The following MAPK8IP3 variants were observed in gnomAD, a reference collection of about 807,000 sequenced individuals.
MAPK8IP3 encodes mitogen-activated protein kinase 8 interacting protein 3, also known as C-Jun-amino-terminal kinase-interacting protein 3.
A neutral mutation model predicts 157.8 loss-of-function variants in MAPK8IP3; 49 were observed. That is an observed-to-expected ratio of 0.31 (90% CI 0.25 to 0.39). The LOEUF (loss-of-function observed/expected upper bound fraction) is 0.39, where lower values mean the gene tolerates loss of function less well. MAPK8IP3 is among the 10% of genes least tolerant of loss of function. The pLI is 1.00. For missense variants in MAPK8IP3, 1,478 were observed against 1,889.4 expected, an observed-to-expected ratio of 0.78 and a Z score of 4.04; for synonymous variants, 897 against 777.7, an observed-to-expected ratio of 1.15 and a Z score of -2.55.
At chr16:1,750,961 G>A (rs564748816) in intron 8 of MAPK8IP3, among the ~76,000 whole-genome samples, 1 of 152,092 alleles carries the variant, frequency 6.6e-6, no homozygotes, top group South Asian at 2.1e-4. Flanking sequence ...TTAATGTCTT[G>A]GTGACACCTA....
At position 1,762,844 on chromosome 16, in the gene MAPK8IP3, G is replaced by A. The variant is rs747806738; in HGVS notation, c.1736G>A (p.Arg579His). 4.3e-6 allele frequency: 7 copies of A among 1,611,786 alleles called. No homozygotes were observed. Among genetic ancestry groups the A allele is most frequent in the Non-Finnish European group, 5.1e-6 (6 of 1,178,878 alleles). ...KKSTIWQFFS[R>H]LFSSSSSPPP... ...CCCTGTGCCTCTGGCAGCTTCAGCC[G>A]CCTCTTCAGCTCTTCCTCCAGCCCC... The change falls in exon 16 of 32, where the codon CGC becomes CAC. Residue 579 changes from arginine (R) to histidine (H), a missense_variant. This residue lies in a region of MAPK8IP3 where 669 missense variants were observed against 759.8 expected (regional missense o/e 0.88). Coordinates refer to ENST00000610761, the MANE Select transcript of MAPK8IP3 (RefSeq NM_001318852.2).
At chr16:1,736,549 CGTGTG>C (rs2039862318) in intron 4 of MAPK8IP3, among the ~76,000 whole-genome samples, 1 of 62,382 alleles carries the variant, frequency 1.6e-5, no homozygotes. Context: ...TCCGTGTGAG[CGTGTG>C]ACTGTCCGTG....
chr16:1,765,195 G>A lies in MAPK8IP3; in HGVS notation c.2446+17G>A. On this transcript the variant is annotated intron_variant, in intron 20 of 31. Coordinates refer to ENST00000610761, the MANE Select transcript of MAPK8IP3 (RefSeq NM_001318852.2). ...GCATCCCCGGTGAGCAGCTGGAGTG[G>A]GCGTTTCCACTCGGGCGCCACTCCC... is the stretch of plus-strand genomic sequence containing the variant. 3 of 1,580,580 alleles carry A rather than the reference G, an allele frequency of 1.9e-6. No individual in the cohort carries two copies. In the Admixed American group the frequency reaches 5.1e-5, roughly 27 times the overall value.
chr16:1,766,973 TG>T lies in MAPK8IP3; in HGVS notation c.3088+6del. On this transcript the variant is annotated splice_donor_region_variant and intron_variant, in intron 25 of 31. Coordinates refer to ENST00000610761, the MANE Select transcript of MAPK8IP3 (RefSeq NM_001318852.2). ...TGGCCATCTTCCACCGTGGTGAAGG[TG>T]GGGCCTGGCAGCACGGGGTGTGTGG... The T allele has an allele frequency of 6.3e-7, 1 of 1,585,062 alleles. No individual in the cohort carries two copies. The highest frequency in any genetic ancestry group is 8.6e-7 in the Non-Finnish European group (1 of 1,163,166).
At chr16:1,735,546 CGTGT>C (rs1567161990) in intron 4 of MAPK8IP3, among the ~76,000 whole-genome samples, 1 of 117,260 alleles carries the variant, frequency 8.5e-6, no homozygotes, top group African/African-American at 3.5e-5. Context: ...TGTGAGCGTC[CGTGT>C]GAGAGTGTGA....
chr16:1,745,356 G>A (rs1004106764), intron 5 of MAPK8IP3: 2 of 173,596 alleles, frequency 1.2e-5, no homozygotes, highest in African/African-American at 4.8e-5. Flanking sequence ...GAGACACCAG[G>A]TGCCTGTGAC....
chr16:1,760,361 T>C lies in MAPK8IP3; in HGVS notation c.1305-19T>C. On this transcript the variant is annotated intron_variant, in intron 11 of 31. Transcript: ENST00000610761. ...GTATGCCGCGCCCGTGGCACTCCCA[T>C]CTTTCTGCTTTTTCAAAGAAACGCC... 1 of 1,602,522 alleles carries C rather than the reference T, an allele frequency of 6.2e-7. No homozygotes were observed.
At position 1,743,090 on chromosome 16, in the gene MAPK8IP3, G is replaced by A. The variant is rs879633019; in HGVS notation, c.603-242G>A. On this transcript the variant is annotated intron_variant, in intron 4 of 31. Coordinates refer to ENST00000610761, the MANE Select transcript of MAPK8IP3 (RefSeq NM_001318852.2). The surrounding 1 kb of genome is among the most constrained non-coding windows in gnomAD (Gnocchi z 5.6). ...AGCCTGGGTGACAGAGCGAGACTCCGCCTCAAAAAAAATAAAATAAAATAA... is the reference window on the plus strand; with the variant it reads ...AGCCTGGGTGACAGAGCGAGACTCCACCTCAAAAAAAATAAAATAAAATAA... Among the ~76,000 whole-genome samples, 13 of 151,698 alleles carry A rather than the reference G, an allele frequency of 8.6e-5. No individual in the cohort carries two copies. Among genetic ancestry groups the A allele is most frequent in the Non-Finnish European group, 1.3e-4 (9 of 67,934 alleles).
chr16:1,732,615 C>T (rs540173497), intron 4 of MAPK8IP3, among the ~76,000 whole-genome samples: 13 of 152,260 alleles, frequency 8.5e-5, no homozygotes, highest in Non-Finnish European at 1.2e-4. Flanking sequence ...TGAGAACGGG[C>T]GGCGCCGGCC....
At chr16:1,723,619 TAAAAC>T (rs552255143) in intron 1 of MAPK8IP3, among the ~76,000 whole-genome samples, 211 of 152,188 alleles carry the variant, frequency 1.4e-3, no homozygotes, top group South Asian at 3.9e-3. Flanking sequence ...GACTCTCTCT[TAAAAC>T]AAAACAAAAC....
In MAPK8IP3 at chr16:1,729,123, G is replaced by A. The variant is rs2039114146; in HGVS notation, c.440-15G>A. Reference sequence around the variant, plus strand: ...AAGCGTCTTGTGCGGCTCAGACAGTGATTGTGTTTTCCAGTTTCCCGGTTG... The same window carrying A: ...AAGCGTCTTGTGCGGCTCAGACAGTAATTGTGTTTTCCAGTTTCCCGGTTG... On this transcript the variant is annotated splice_polypyrimidine_tract_variant and intron_variant, in intron 2 of 31. Coordinates refer to ENST00000610761, the MANE Select transcript of MAPK8IP3 (RefSeq NM_001318852.2). 6.2e-7 allele frequency: 1 copy of A among 1,613,012 alleles called. No homozygotes were observed. The highest frequency in any genetic ancestry group is 1.1e-5 in the South Asian group (1 of 91,048).
chr16:1,767,783 C>T (rs1160845738), intron 27 of MAPK8IP3, 22 bp from the exon 28 acceptor site: 5 of 1,611,462 alleles, frequency 3.1e-6, no homozygotes, highest in Admixed American at 1.7e-5. Flanking sequence ...AGGCCAGCCA[C>T]CCTGACCGCT....
chr16:1,729,052 AC>A, intron 2 of MAPK8IP3, 85 bp from the exon 3 acceptor site: 1 of 1,317,906 alleles, frequency 7.6e-7, no homozygotes, highest in Admixed American at 1.7e-5. Flanking sequence ...TTGTCCTGGA[AC>A]CCCCTCCCTC....
chr16:1,729,676 C>T, intron 4 of MAPK8IP3, 98 bp downstream of exon 4: 1 of 1,158,236 alleles, frequency 8.6e-7, no homozygotes. Context: ...TGTTATGGCC[C>T]GCGCTCTGGG....
intron 1 of MAPK8IP3, among the ~76,000 whole-genome samples, chr16:1,712,072 TC>T (rs766769222): frequency 0.026 from 3,099 of 120,478 alleles, 923 homozygotes; most frequent in Non-Finnish European, 0.039. Context: ...TTTTTTTTTT[TC>T]TTTTTTGAGA....
At chr16:1,732,710 G>C (rs979756149) in intron 4 of MAPK8IP3, among the ~76,000 whole-genome samples, 1 of 152,024 alleles carries the variant, frequency 6.6e-6, no homozygotes, top group East Asian at 1.9e-4. Context: ...CCAGCCATCC[G>C]CCCACCTGGA....
chr16:1,749,083 G>A (rs552555851), intron 8 of MAPK8IP3, among the ~76,000 whole-genome samples: 11 of 152,282 alleles, frequency 7.2e-5, no homozygotes, highest in Admixed American at 1.3e-4. Flanking sequence ...AAGTGTACAC[G>A]TCAGTACAGA....
rs1486362424 is a variant in MAPK8IP3 at position 1,769,394 on chromosome 16, C to T, written c.*570C>T. 2 of 156,818 alleles carry T rather than the reference C, an allele frequency of 1.3e-5. No homozygotes were observed. Among genetic ancestry groups the T allele is most frequent in the African/African-American group, 2.4e-5 (1 of 41,462 alleles). 9.7% of individuals were successfully genotyped at this position (156,818 alleles called of 1,614,324 possible). On this transcript the variant is annotated 3_prime_UTR_variant, in exon 32 of 32. Transcript: ENST00000610761. ...GGCCTCCCCGTCGTCAAGCCTCTATCCTGTCTGTCCCCACCCCAGCTGTCC... is the reference window on the plus strand; with the variant it reads ...GGCCTCCCCGTCGTCAAGCCTCTATTCTGTCTGTCCCCACCCCAGCTGTCC...
chr16:1,735,788 C>T lies in MAPK8IP3; in HGVS notation c.602+6210C>T, dbSNP rs571781144. On this transcript the variant is annotated intron_variant, in intron 4 of 31. Coordinates refer to ENST00000610761, the MANE Select transcript of MAPK8IP3 (RefSeq NM_001318852.2). Reference sequence around the variant, plus strand: ...GTGACCGTCCATGTGAGAGTGTGACCGTCCATGTGAGCATCTGTGTGACCA... The same window carrying T: ...GTGACCGTCCATGTGAGAGTGTGACTGTCCATGTGAGCATCTGTGTGACCA... Among the ~76,000 whole-genome samples the T allele has an allele frequency of 4.0e-4, 53 of 132,406 alleles. No homozygotes were observed. In the South Asian group the frequency reaches 5.5e-3, roughly 14 times the overall value. The allele number at this position is 132,406 out of a possible 152,430, so 86.9% of individuals were successfully genotyped here. A position where few individuals can be genotyped will look rare whatever the true frequency, so the allele number is the denominator to read the frequency against.
Sources: gnomAD v4.1 joint callset for allele counts (sites outside exome capture counted in the v4.1 genomes callset) on GRCh38, gnomAD v4.1.1 for gene constraint, gnomAD v4.1.1 regional missense constraint, Gnocchi (gnomAD v3.1) non-coding constraint, MANE v1.5 for transcripts, NCBI Gene and HGNC (gene_info 2026-07-23, HGNC 2026-07-21) for gene names.